Variants in SHQ1 observed in about 807,000 individuals in gnomAD.
SHQ1 encodes SHQ1, H/ACA ribonucleoprotein assembly factor, also known as protein SHQ1 homolog.
In SHQ1, 49 loss-of-function variants were observed where a neutral mutation model predicts 53.8. The ratio of observed to expected loss-of-function variants is 0.91; its 90% CI spans 0.72 to 1.16. The LOEUF (loss-of-function observed/expected upper bound fraction) is 1.16. Ranked by LOEUF, SHQ1 falls within the 50% of genes most tolerant of loss-of-function variation. The pLI is 0.00. For synonymous variants in SHQ1, 243 were observed against 251.0 expected, an observed-to-expected ratio of 0.97 and a Z score of 0.30; for missense variants, 738 against 683.1, an observed-to-expected ratio of 1.08 and a Z score of -0.90.
intron 10 of SHQ1, among the ~76,000 whole-genome samples, chr3:72,768,638 AAAC>A (rs942338009): frequency 2.0e-5 from 3 of 152,192 alleles, no homozygotes; most frequent in Non-Finnish European, 4.4e-5. Context: ...CCAAAGAAGA[AAAC>A]AACAACAGGG....
chr3:72,805,035 A>G (rs13323218), intron 9 of SHQ1, among the ~76,000 whole-genome samples: 8,455 of 152,312 alleles, frequency 0.056, 701 homozygotes, highest in African/African-American at 0.18. Flanking sequence ...TGGTATAGCC[A>G]GTATAGCATA....
chr3:72,773,409 T>C (rs1705894668), intron 10 of SHQ1: 1 of 442,084 alleles, frequency 2.3e-6, no homozygotes, highest in Non-Finnish European at 4.4e-6. Flanking sequence ...GTAGCAGTGG[T>C]GGTAGATGAG....
chr3:72,841,383 T>C (rs1284138279), intron 3 of SHQ1, among the ~76,000 whole-genome samples, 184 bp from the exon 4 acceptor site: 1 of 149,248 alleles, frequency 6.7e-6, no homozygotes, highest in East Asian at 1.9e-4. Flanking sequence ...AAATGTGGTA[T>C]GTTCATACAA....
chr3:72,726,036 G>A, the SHQ1 span, among the ~76,000 whole-genome samples: 3 of 152,170 alleles, frequency 2.0e-5, no homozygotes, highest in African/African-American at 7.2e-5. Flanking sequence ...AGGAGGCCAA[G>A]GCAGGAGGAT....
At chr3:72,785,356 A>C (rs1416339444) in intron 10 of SHQ1, among the ~76,000 whole-genome samples, 1 of 152,212 alleles carries the variant, frequency 6.6e-6, no homozygotes, top group East Asian at 1.9e-4. Context: ...ATTGACAAGA[A>C]GTAGTCATGA....
chr3:72,760,435 T>G (rs1036775533), intron 10 of SHQ1, among the ~76,000 whole-genome samples: 1 of 152,208 alleles, frequency 6.6e-6, no homozygotes, highest in South Asian at 2.1e-4. Flanking sequence ...CACATATAAG[T>G]GGCTATGCTA....
chr3:72,822,666 G>C (rs910675976), intron 6 of SHQ1, among the ~76,000 whole-genome samples: 3 of 152,174 alleles, frequency 2.0e-5, no homozygotes, highest in Non-Finnish European at 4.4e-5. Flanking sequence ...TGACACACTT[G>C]ATGATTTAAG....
chr3:72,767,825 A>G (rs1306384886), intron 10 of SHQ1, among the ~76,000 whole-genome samples: 5 of 152,256 alleles, frequency 3.3e-5, no homozygotes, highest in African/African-American at 1.2e-4. Flanking sequence ...GGTGGTTGCC[A>G]GAACCAAACC....
chr3:72,726,522 T>C, the SHQ1 span, among the ~76,000 whole-genome samples: 1,729 of 152,226 alleles, frequency 0.011, 35 homozygotes, highest in African/African-American at 0.04. Flanking sequence ...CAGCTAATTT[T>C]TGTATTTTTA....
intron 10 of SHQ1, among the ~76,000 whole-genome samples, chr3:72,788,602 G>A (rs1706331038): frequency 6.6e-6 from 1 of 152,218 alleles, no homozygotes; most frequent in Non-Finnish European, 1.5e-5. Context: ...ATTGAGAACA[G>A]GCCATGATGA....
chr3:72,832,254 A>T (rs1707844562), intron 5 of SHQ1, 115 bp downstream of exon 5: 2 of 716,800 alleles, frequency 2.8e-6, no homozygotes, highest in Non-Finnish European at 4.9e-6. Context: ...GTCTTCAGTC[A>T]TCAATAATTT....
chr3:72,816,971 A>G (rs1259986750), intron 7 of SHQ1, among the ~76,000 whole-genome samples: 1 of 152,202 alleles, frequency 6.6e-6, no homozygotes, highest in African/African-American at 2.4e-5. Context: ...CTCTACTCTC[A>G]GTTTCACTCC....
the SHQ1 span, among the ~76,000 whole-genome samples, chr3:72,725,459 C>G: frequency 2.0e-5 from 3 of 152,292 alleles, no homozygotes; most frequent in Middle Eastern, 3.4e-3. Flanking sequence ...AGGGCTGCTT[C>G]TTTCTTGTCC....
intron 9 of SHQ1, chr3:72,794,267 C>G (rs1706532234): frequency 1.3e-5 from 2 of 152,126 alleles, no homozygotes; most frequent in Admixed American, 6.6e-5. Context: ...ATCTCAAGAT[C>G]CTAAAATTGC....
At chr3:72,730,363 C>G in the SHQ1 span, among the ~76,000 whole-genome samples, 1 of 152,204 alleles carries the variant, frequency 6.6e-6, no homozygotes, top group African/African-American at 2.4e-5. Context: ...GATCCCCTGC[C>G]TCAGCCTCCC....
intron 10 of SHQ1, among the ~76,000 whole-genome samples, chr3:72,763,062 C>T (rs10603499): frequency 7.9e-5 from 6 of 76,200 alleles, no homozygotes; most frequent in African/African-American, 2.3e-4. Flanking sequence ...CACACACACA[C>T]AGAGAGAGAG....
the SHQ1 span, among the ~76,000 whole-genome samples, chr3:72,733,891 T>C: frequency 2.0e-5 from 3 of 151,614 alleles, no homozygotes; most frequent in African/African-American, 7.3e-5. Context: ...ATGGGATTGA[T>C]AGTACCCATC....
intron 5 of SHQ1, among the ~76,000 whole-genome samples, chr3:72,827,668 C>T (rs75897612): frequency 0.041 from 6,249 of 151,614 alleles, 376 homozygotes; most frequent in African/African-American, 0.13. Flanking sequence ...CAAGCGCTGA[C>T]GGTGACTAAT....
chr3:72,773,635 AGAG>A (rs1412222093), intron 10 of SHQ1, among the ~76,000 whole-genome samples: 1 of 152,144 alleles, frequency 6.6e-6, no homozygotes, highest in African/African-American at 2.4e-5. Flanking sequence ...CACTGTGGCA[AGAG>A]AAGAGGAAAT....
Sources: gnomAD v4.1 joint callset for allele counts (sites outside exome capture counted in the v4.1 genomes callset) on GRCh38, gnomAD v4.1.1 for gene constraint, MANE v1.5 for transcripts, NCBI Gene and HGNC (gene_info 2026-07-23, HGNC 2026-07-21) for gene names.